KDM5A: variants seen among roughly 807,000 people sequenced by gnomAD.
The protein encoded by KDM5A is lysine demethylase 5A, also known as lysine-specific demethylase 5A.
In KDM5A, 42 loss-of-function variants were observed where a neutral mutation model predicts 193.5. That is an observed-to-expected ratio of 0.22 (90% CI 0.17 to 0.28). KDM5A has a LOEUF of 0.28. KDM5A is among the 10% of genes least tolerant of loss of function. The pLI is 1.00. For missense variants in KDM5A, 1,692 were observed against 2,055.1 expected, an observed-to-expected ratio of 0.82 and a Z score of 3.42; for synonymous variants, 796 against 718.1, an observed-to-expected ratio of 1.11 and a Z score of -1.73.
At chr12:378,532 TG>T (rs1459703843) in intron 3 of KDM5A, among the ~76,000 whole-genome samples, 10 of 152,300 alleles carry the variant, frequency 6.6e-5, no homozygotes, top group Non-Finnish European at 1.0e-4. Flanking sequence ...CCCAAACTGC[TG>T]GGATTACAAG....
At position 389,179 on chromosome 12, in the gene KDM5A, G is replaced by C. The variant is rs1431819231; in HGVS notation, c.-88C>G. The C allele has an allele frequency of 8.1e-7, 1 of 1,235,494 alleles. No homozygotes were observed. 76.5% of individuals were successfully genotyped at this position (1,235,494 alleles called of 1,614,324 possible). A position where few individuals can be genotyped will look rare whatever the true frequency, so the allele number is the denominator to read the frequency against. ...CCCACTAAGCCCGTTCAAGTCCCCTGACAGAGGCCGAAGCGCATCTTCGCG... is the reference window on the plus strand; with the variant it reads ...CCCACTAAGCCCGTTCAAGTCCCCTCACAGAGGCCGAAGCGCATCTTCGCG... On this transcript the variant is annotated 5_prime_UTR_variant, in exon 1 of 28. Transcript: ENST00000399788.
intron 3 of KDM5A, among the ~76,000 whole-genome samples, chr12:376,171 C>T (rs1944501534): frequency 6.6e-6 from 1 of 152,202 alleles, no homozygotes; most frequent in Non-Finnish European, 1.5e-5. Flanking sequence ...ATGCCCTGCC[C>T]CCAGAGGTGG....
At position 350,477 on chromosome 12, in the gene KDM5A, T is replaced by G. The variant is rs557453498; in HGVS notation, c.1308+144A>C. The G allele has an allele frequency of 1.0e-5, 8 of 778,016 alleles. No individual in the cohort carries two copies. The African/African-American group carries it at 1.1e-4, about 10-fold the overall frequency. The allele number at this position is 778,016 out of a possible 1,614,324, so 48.2% of individuals were successfully genotyped here. A position where few individuals can be genotyped will look rare whatever the true frequency, so the allele number is the denominator to read the frequency against. The stretch of plus-strand genomic sequence containing the variant: ...AAATAATTTTTCAAAGTATTCTGAA[T>G]TCTTCGTTTTCAAAACTGAAGATTA... On this transcript the variant is annotated intron_variant, in intron 10 of 27. Coordinates refer to ENST00000399788, the MANE Select transcript of KDM5A (RefSeq NM_001042603.3).
At chr12:323,236 A>AAAAAAAAAAAG in intron 15 of KDM5A, 30 bp from the exon 16 acceptor site, 2 of 1,500,446 alleles carry the variant, frequency 1.3e-6, no homozygotes, top group South Asian at 1.3e-5. Flanking sequence ...AAAAAAAAAA[A>AAAAAAAAAAAG]AAAGAAAACA....
intron 2 of KDM5A, among the ~76,000 whole-genome samples, chr12:384,915 C>T (rs1224736564): frequency 2.0e-5 from 3 of 152,138 alleles, no homozygotes; most frequent in African/African-American, 4.8e-5. Context: ...TGCGGCCAGG[C>T]GCGGTAGCTC....
At chr12:321,563 G>C (rs1943717670) in intron 17 of KDM5A, among the ~76,000 whole-genome samples, 1 of 152,168 alleles carries the variant, frequency 6.6e-6, no homozygotes, top group South Asian at 2.1e-4. Context: ...GACAAGTTAA[G>C]AGCTGCTGAT....
At position 307,121 on chromosome 12, in the gene KDM5A, A is replaced by C; in HGVS notation, c.3931-32T>G. On this transcript the variant is annotated intron_variant, in intron 23 of 27. Transcript: ENST00000399788. The surrounding 1 kb of genome is among the most constrained non-coding windows in gnomAD (Gnocchi z 4.3). ...AACAAATAATTCCAAGATGAACAGC[A>C]AGACATGCTAAACAGACAGGGTAAT... 6.2e-7 allele frequency: 1 copy of C among 1,613,646 alleles called. No individual in the cohort carries two copies. Among genetic ancestry groups the C allele is most frequent in the South Asian group, 1.1e-5 (1 of 91,078 alleles).
intron 12 of KDM5A, 76 bp downstream of exon 12, chr12:333,411 C>A (rs1339965589): frequency 2.0e-6 from 3 of 1,511,200 alleles, no homozygotes; most frequent in African/African-American, 1.4e-5. Flanking sequence ...AGAGCAAGAC[C>A]CTGTTTCAAA....
chr12:347,958 C>T (rs1342791259), intron 10 of KDM5A, among the ~76,000 whole-genome samples: 2 of 152,242 alleles, frequency 1.3e-5, no homozygotes, highest in Non-Finnish European at 2.9e-5. Context: ...AAAGAAACTA[C>T]CATCAGAGTA....
intron 24 of KDM5A, among the ~76,000 whole-genome samples, chr12:303,959 T>A (rs1174346085): frequency 6.6e-6 from 1 of 152,208 alleles, no homozygotes; most frequent in Non-Finnish European, 1.5e-5. Context: ...TTGTTTTCAT[T>A]TCATTATAAC....
At chr12:312,068 G>A (rs12582850) in intron 20 of KDM5A, among the ~76,000 whole-genome samples, 6 of 151,976 alleles carry the variant, frequency 3.9e-5, no homozygotes, top group African/African-American at 1.2e-4. Flanking sequence ...AATACGTTCC[G>A]TTTGGGGGCA....
rs1317683303 is a variant in KDM5A, at chr12:323,757, C to T, written c.1993G>A (p.Val665Met). 2 of 1,613,680 alleles carry T rather than the reference C, an allele frequency of 1.2e-6. No homozygotes were observed. Among genetic ancestry groups the T allele is most frequent in the African/African-American group, 1.3e-5 (1 of 74,904 alleles). Reference protein sequence around the residue: ...QMGVLMSEEEVFELVPDDERQ... With the variant: ...QMGVLMSEEEMFELVPDDERQ... ...TCATCATCAGGAACAAGTTCAAACA[C>T]TTCTTCTTCTGACATCAGGACACCC... Residue 665 changes from valine to methionine, a missense_variant, in exon 15 of 28, where the codon GTG becomes ATG. Physicochemically the swap from Val to Met is conservative, Grantham distance 21. This residue lies in a region of KDM5A where 88 missense variants were observed against 124.6 expected (regional missense o/e 0.71). Coordinates refer to ENST00000399788, the MANE Select transcript of KDM5A (RefSeq NM_001042603.3).
chr12:342,174 C>T (rs988148157), intron 10 of KDM5A, among the ~76,000 whole-genome samples: 1 of 152,156 alleles, frequency 6.6e-6, no homozygotes, highest in Non-Finnish European at 1.5e-5. Context: ...AATAAAGCTA[C>T]AGGGGCTATA....
chr12:334,385 G>C lies in KDM5A; in HGVS notation c.1346C>G (p.Pro449Arg). 6.2e-7 allele frequency: 1 copy of C among 1,613,956 alleles called. No individual in the cohort carries two copies. The highest frequency in any genetic ancestry group is 8.5e-7 in the Non-Finnish European group (1 of 1,179,908). ...ALSGWNLNNM[P>R]VLEQSVLAHI... ...TGCAAGAACAGACTGTTCCAGGACAGGCATGTTATTCAAATTCCAACCAGA... is the reference window on the plus strand; with the variant it reads ...TGCAAGAACAGACTGTTCCAGGACACGCATGTTATTCAAATTCCAACCAGA... The change falls in exon 11 of 28, where the codon CCT becomes CGT. Residue 449 changes from proline to arginine, a missense_variant. Coordinates refer to ENST00000399788, the MANE Select transcript of KDM5A (RefSeq NM_001042603.3).
chr12:310,965 G>C lies in KDM5A; in HGVS notation c.3136C>G (p.Gln1046Glu), dbSNP rs1335362474. 1 of 1,614,114 alleles carries C rather than the reference G, an allele frequency of 6.2e-7. No homozygotes were observed. ...CTCCATGCCCGTGCTGCTGCTACCT[G>C]TGATTCCACTTGCGGCAGTGCTTCA... The part of the protein sequence containing the change: ...RLEALPQVES[Q>E]VAAARAWRER... The change falls in exon 21 of 28, where the codon CAG becomes GAG. Residue 1046 changes from glutamine to glutamate, a missense_variant. Gln to Glu is a conservative substitution (Grantham distance 29). This residue lies in a region of KDM5A where 965 missense variants were observed against 1,061.0 expected (regional missense o/e 0.91). Transcript: ENST00000399788.
At chr12:358,873 G>A (rs933966310) in intron 5 of KDM5A, among the ~76,000 whole-genome samples, 13 of 152,072 alleles carry the variant, frequency 8.5e-5, no homozygotes, top group Non-Finnish European at 1.3e-4. Flanking sequence ...TCACAAGGCT[G>A]AGGCAGGGAA....
intron 17 of KDM5A, 99 bp from the exon 18 acceptor site, chr12:321,208 T>G (rs992656231): frequency 2.4e-6 from 2 of 831,406 alleles, no homozygotes. Context: ...TAAGCAATCC[T>G]AGAATCCCAG....
intron 10 of KDM5A, among the ~76,000 whole-genome samples, chr12:341,672 T>C (rs914585882): frequency 6.6e-6 from 1 of 152,034 alleles, no homozygotes. Flanking sequence ...GAGGCCAAGG[T>C]GAGCGAATCA....
In KDM5A at chr12:281,335, G is replaced by C. The variant is rs1943152141; in HGVS notation, c.*4121C>G. ...TTAGACCACTTGGAGTACTGCAAAA[G>C]AAAAAACAAACAAGATACAGCTTTC... is the stretch of plus-strand genomic sequence containing the variant. On this transcript the variant is annotated 3_prime_UTR_variant, in exon 28 of 28. Coordinates refer to ENST00000399788, the MANE Select transcript of KDM5A (RefSeq NM_001042603.3). 1 of 232,970 alleles carries C rather than the reference G, an allele frequency of 4.3e-6. No homozygotes were observed. Among genetic ancestry groups the C allele is most frequent in the African/African-American group, 2.2e-5 (1 of 45,320 alleles). The allele number at this position is 232,970 out of a possible 1,614,324, so 14.4% of individuals were successfully genotyped here.
Sources: allele counts gnomAD v4.1 joint callset (sites outside exome capture counted in the v4.1 genomes callset), GRCh38; gene constraint gnomAD v4.1.1; regional missense constraint gnomAD v4.1.1; non-coding constraint Gnocchi (gnomAD v3.1); transcripts MANE v1.5; gene names NCBI Gene and HGNC (gene_info 2026-07-23, HGNC 2026-07-21).